MYH15: variants seen among roughly 807,000 people sequenced by gnomAD.
The protein encoded by MYH15 is myosin heavy chain 15.
A neutral mutation model predicts 240.5 loss-of-function variants in MYH15; 227 were observed. The observed-to-expected ratio is 0.94, with a 90% confidence interval of 0.85 to 1.05. MYH15 has a LOEUF of 1.05. Among genes scored for constraint, MYH15 ranks in the 50% least tolerant of loss-of-function variants. The probability of loss-of-function intolerance (pLI) is 0.00; values close to 1 mark genes in which losing one functional copy is unlikely to be tolerated. For missense variants in MYH15, 2,217 were observed against 2,247.5 expected (o/e 0.99, Z 0.27); for synonymous variants, 785 against 796.7 (o/e 0.99, Z 0.25).
chr3:108,456,307 C>T lies in MYH15; in HGVS notation c.2139-448G>A, dbSNP rs114640248. 5.0e-3 allele frequency among the ~76,000 whole-genome samples: 764 copies of T among 152,278 alleles called. 1 individual carries two copies. Among genetic ancestry groups the T allele is most frequent in the Non-Finnish European group, 7.1e-3 (481 of 68,020 alleles). The stretch of plus-strand genomic sequence containing the variant: ...CCCCTTTTTACTCTACCAAACTTTG[C>T]TCAAATTGATTTGATGACCTATAAT... On this transcript the variant is annotated intron_variant, in intron 19 of 40. Coordinates refer to ENST00000693548, the MANE Select transcript of MYH15 (RefSeq NM_014981.3).
chr3:108,415,448 T>C (rs1481458097), intron 29 of MYH15, among the ~76,000 whole-genome samples: 3 of 152,202 alleles, frequency 2.0e-5, no homozygotes, highest in Non-Finnish European at 4.4e-5. Flanking sequence ...TTTAATTTTA[T>C]TTTTCTTTAA....
chr3:108,439,842 A>G lies in MYH15; in HGVS notation c.2970T>C (p.Val990=). 1.2e-6 allele frequency: 2 copies of G among 1,613,330 alleles called. No homozygotes were observed. The highest frequency in any genetic ancestry group is 1.7e-6 in the Non-Finnish European group (2 of 1,179,708). ...DISKLNRAAK[V]VQEAHQQTLD... ...GGGTCTGCTGATGGGCCTCCTGCAC[A>G]ACCTTGGCTGCTCTGTTAAGTTTGC... The change falls in exon 24 of 41, where the codon GTT becomes GTC. Residue 990 remains valine (V), a synonymous_variant. Coordinates refer to ENST00000693548, the MANE Select transcript of MYH15 (RefSeq NM_014981.3).
At chr3:108,396,346 G>GC (rs35981925) in intron 35 of MYH15, among the ~76,000 whole-genome samples, 183 of 15,958 alleles carry the variant, frequency 0.011, 1 homozygote, top group South Asian at 0.039. Flanking sequence ...TAGCAGGGTT[G>GC]GGGGGAGACG....
upstream of MYH15, among the ~76,000 whole-genome samples, chr3:108,513,850 T>TC (rs1251555541): frequency 6.6e-6 from 1 of 152,156 alleles, no homozygotes; most frequent in African/African-American, 2.4e-5. Context: ...GAGAAAGACA[T>TC]TAGATCATCA....
chr3:108,455,968 C>G (rs2083016564), intron 19 of MYH15, 109 bp from the exon 20 acceptor site: 2 of 1,061,654 alleles, frequency 1.9e-6, no homozygotes, highest in Admixed American at 4.6e-5. Context: ...ATCTCTGTTA[C>G]TAATATGTTC....
chr3:108,412,100 T>C (rs6806765), intron 30 of MYH15, among the ~76,000 whole-genome samples: 139,230 of 152,238 alleles, frequency 0.91, 63,746 homozygotes, highest in East Asian at 1. Context: ...TTTGGGTGAC[T>C]GATCATACTG....
chr3:108,403,895 G>A (rs552297523), intron 33 of MYH15, among the ~76,000 whole-genome samples: 12 of 151,840 alleles, frequency 7.9e-5, no homozygotes, highest in Non-Finnish European at 1.3e-4. Context: ...TGTAGCTGAC[G>A]AGACACAGGC....
chr3:108,439,131 A>G (rs2082865076), intron 24 of MYH15, among the ~76,000 whole-genome samples: 1 of 152,164 alleles, frequency 6.6e-6, no homozygotes, highest in Non-Finnish European at 1.5e-5. Context: ...GCATAAATGC[A>G]TACACTATGT....
rs900963129 is a variant in MYH15, at chr3:108,398,758, G to C, written c.5012C>G (p.Ser1671Cys). The C allele has an allele frequency of 6.2e-7, 1 of 1,614,204 alleles. No individual in the cohort carries two copies. The highest frequency in any genetic ancestry group is 8.5e-7 in the Non-Finnish European group (1 of 1,180,042). The change falls in exon 35 of 41, where the codon TCT (serine) becomes TGT (cysteine). Residue 1671 changes from serine (S) to cysteine (C), a missense_variant. Coordinates refer to ENST00000693548, the MANE Select transcript of MYH15 (RefSeq NM_014981.3). ...EQVAVAERRN[S>C]LLQSELEDLR... is the part of the protein sequence containing the mutation. ...ATCCTCTAGTTCAGACTGAAGAAGA[G>C]AGTTGCGCCGCTCAGCCACAGCCAC...
At position 108,460,316 on chromosome 3, in the gene MYH15, A is replaced by G. The variant is rs969399607; in HGVS notation, c.1916T>C (p.Val639Ala). 3.7e-6 allele frequency: 6 copies of G among 1,602,390 alleles called. No individual in the cohort carries two copies. The highest frequency in any genetic ancestry group is 2.2e-5 in the East Asian group (1 of 44,704). The change falls in exon 17 of 41, where the codon GTT becomes GCT. Residue 639 changes from valine to alanine, a missense_variant. Val to Ala is a moderately conservative substitution (Grantham distance 64). Transcript: ENST00000693548. ...AAAAATTACTTTATGCAGAGATGCAACCGTTTGGAATGAAGCTCCTTTCTT... is the reference window on the plus strand; with the variant it reads ...AAAAATTACTTTATGCAGAGATGCAGCCGTTTGGAATGAAGCTCCTTTCTT... The part of the protein sequence containing the change: ...KRKKGASFQT[V>A]ASLHKENLNK...
intron 26 of MYH15, among the ~76,000 whole-genome samples, chr3:108,429,960 G>T (rs1428773265): frequency 6.6e-6 from 1 of 152,128 alleles, no homozygotes; most frequent in East Asian, 1.9e-4. Flanking sequence ...AATCTTTAGA[G>T]AACTTTTTGA....
At chr3:108,487,913 A>G (rs2083318260) in intron 9 of MYH15, among the ~76,000 whole-genome samples, 1 of 152,150 alleles carries the variant, frequency 6.6e-6, no homozygotes, top group Non-Finnish European at 1.5e-5. Context: ...TCCTGTAAAA[A>G]TTTTTACAGT....
rs751011526 is a variant in MYH15 at position 108,456,883 on chromosome 3, C to T, written c.2021G>A (p.Gly674Asp). 2 of 1,589,222 alleles carry T rather than the reference C, an allele frequency of 1.3e-6. No homozygotes were observed. The highest frequency in any genetic ancestry group is 1.8e-5 in the Admixed American group (1 of 56,168). Reference protein sequence around the residue: ...CINPNVNKIPGILDPYLVLQQ... With the variant: ...CINPNVNKIPDILDPYLVLQQ... ...TAGAACCAAGTAAGGGTCCAGTATA[C>T]CTGGAAAAAAAAAAGAGTCATGGTG... The change falls in exon 19 of 41, where the codon GGT (glycine) becomes GAT (aspartate). Residue 674 changes from glycine to aspartate, a missense_variant and splice_region_variant. By Grantham distance (94) the Gly-to-Asp change is moderately conservative. Coordinates refer to ENST00000693548, the MANE Select transcript of MYH15 (RefSeq NM_014981.3).
upstream of MYH15, among the ~76,000 whole-genome samples, chr3:108,511,435 T>C (rs1374760799): frequency 6.6e-6 from 1 of 152,194 alleles, no homozygotes; most frequent in Non-Finnish European, 1.5e-5. Context: ...AAGGCAAGTA[T>C]CAGTCTTAGA....
At chr3:108,410,999 C>A in intron 30 of MYH15, 67 bp from the exon 31 acceptor site, 1 of 1,362,718 alleles carries the variant, frequency 7.3e-7, no homozygotes, top group Non-Finnish European at 1.0e-6. Flanking sequence ...CAAGTCTGCC[C>A]TGGATTAAAG....
intron 26 of MYH15, among the ~76,000 whole-genome samples, chr3:108,429,089 G>A (rs1384465688): frequency 6.6e-6 from 1 of 152,128 alleles, no homozygotes; most frequent in Non-Finnish European, 1.5e-5. Context: ...CTCAGCCCCT[G>A]ATGATGGGCA....
chr3:108,451,414 T>C (rs981363310), intron 21 of MYH15, among the ~76,000 whole-genome samples: 1 of 151,838 alleles, frequency 6.6e-6, no homozygotes, highest in Admixed American at 6.6e-5. Flanking sequence ...AAAATAAAAA[T>C]TGATCAAATT....
At chr3:108,450,195 C>G (rs1239912251) in intron 21 of MYH15, among the ~76,000 whole-genome samples, 1 of 152,000 alleles carries the variant, frequency 6.6e-6, no homozygotes, top group Non-Finnish European at 1.5e-5. Context: ...TCTATCAATC[C>G]CATTAATATT....
chr3:108,542,941 C>T, the MYH15 span, among the ~76,000 whole-genome samples: 5 of 145,758 alleles, frequency 3.4e-5, no homozygotes, highest in African/African-American at 1.0e-4. Context: ...AGTGCAGTGG[C>T]ACGATCTCAG....
Sources: gnomAD v4.1 joint callset for allele counts (sites outside exome capture counted in the v4.1 genomes callset) on GRCh38, gnomAD v4.1.1 for gene constraint, MANE v1.5 for transcripts, NCBI Gene and HGNC (gene_info 2026-07-23, HGNC 2026-07-21) for gene names.